Variants in RHBDF2 observed in about 807,000 individuals in gnomAD.
RHBDF2 encodes the protein inactive rhomboid protein 2.
In RHBDF2, 38 loss-of-function variants were observed where a neutral mutation model predicts 95.2. The observed-to-expected ratio is 0.40, with a 90% CI of 0.31 to 0.52. The LOEUF (loss-of-function observed/expected upper bound fraction) is 0.52. RHBDF2 is among the 20% of genes least tolerant of loss of function. The probability of loss-of-function intolerance (pLI) is 0.56; values close to 1 mark genes in which losing one functional copy is unlikely to be tolerated. For synonymous variants in RHBDF2, 442 were observed against 462.0 expected (o/e 0.96, Z 0.55); for missense variants, 863 against 1,137.7 (o/e 0.76, Z 3.47).
chr17:76,498,059 G>A lies in RHBDF2; in HGVS notation c.-220+3294C>T, dbSNP rs557249368. ...TGCTGAAGGAGGGGCCGTGGACACG[G>A]TGGCGCTTTGTACTTCCCGGAAGAT... is the stretch of plus-strand genomic sequence containing the variant. On this transcript the variant is annotated intron_variant, in intron 1 of 18. Coordinates refer to ENST00000675367, the MANE Select transcript of RHBDF2 (RefSeq NM_001005498.4). Among the ~76,000 whole-genome samples, 37 of 152,312 alleles carry A rather than the reference G, an allele frequency of 2.4e-4. No individual in the cohort carries two copies. In the South Asian group the frequency reaches 3.5e-3, roughly 15 times the overall value.
intron 1 of RHBDF2, among the ~76,000 whole-genome samples, chr17:76,492,717 G>A (rs775197988): frequency 1.3e-4 from 20 of 152,202 alleles, no homozygotes; most frequent in Non-Finnish European, 2.5e-4. Context: ...CTAATGAAGG[G>A]TGCAGTCCCC....
chr17:76,479,382 AGGTGGGG>A, intron 4 of RHBDF2, 105 bp from the exon 5 acceptor site: 3 of 1,493,538 alleles, frequency 2.0e-6, no homozygotes, highest in Non-Finnish European at 2.7e-6. Flanking sequence ...GCCTACAGGG[AGGTGGGG>A]GGCGGATCTG....
rs752559642 is a variant in RHBDF2, at chr17:76,474,322, C to T, written c.1464+51G>A. On this transcript the variant is annotated intron_variant, in intron 12 of 18. Transcript: ENST00000675367. ...CCCTTGAAGGACAGGGCAAGTGGAG[C>T]TAGTCCGGGACCAGGGTCTGGCAGG... 3.4e-5 allele frequency: 54 copies of T among 1,588,434 alleles called. No homozygotes were observed. In the African/African-American group the frequency reaches 4.7e-4, roughly 14 times the overall value.
intron 18 of RHBDF2, 175 bp downstream of exon 18, chr17:76,472,511 C>T: frequency 1.3e-6 from 1 of 782,920 alleles, no homozygotes; most frequent in Middle Eastern, 2.2e-4. Context: ...ATCACTGTTC[C>T]CTCTCACTGG....
chr17:76,477,817 C>T, intron 6 of RHBDF2, 32 bp from the exon 7 acceptor site: 1 of 1,600,966 alleles, frequency 6.2e-7, no homozygotes, highest in Non-Finnish European at 8.5e-7. Flanking sequence ...GCCATCAGGA[C>T]CACAGCCTGG....
chr17:76,500,640 A>C (rs2074554807), intron 1 of RHBDF2, among the ~76,000 whole-genome samples: 1 of 152,168 alleles, frequency 6.6e-6, no homozygotes, highest in African/African-American at 2.4e-5. Flanking sequence ...GGGCAGGGCC[A>C]AAACCTAGGC....
intron 9 of RHBDF2, 154 bp downstream of exon 9, chr17:76,476,676 G>T: frequency 8.5e-7 from 1 of 1,174,790 alleles, no homozygotes; most frequent in Non-Finnish European, 1.2e-6. Flanking sequence ...ACAACCCTTG[G>T]GACAGGGTGC....
At chr17:76,474,909 G>C (rs2073718258) in intron 10 of RHBDF2, 105 bp from the exon 11 acceptor site, 1 of 1,521,322 alleles carries the variant, frequency 6.6e-7, no homozygotes. Context: ...AAGGGGCCAG[G>C]CTATGGTGAG....
At chr17:76,481,905 C>T (rs992077966) in intron 2 of RHBDF2, 17 of 189,106 alleles carry the variant, frequency 9.0e-5, no homozygotes, top group African/African-American at 1.6e-4. Flanking sequence ...AAGCCGAGAT[C>T]GCGCCACTGC....
In RHBDF2 at chr17:76,479,488, C is replaced by T. The variant is rs934562324; in HGVS notation, c.273-211G>A. The T allele has an allele frequency of 1.7e-5, 14 of 801,986 alleles. No individual in the cohort carries two copies. The Admixed American group carries it at 2.2e-4, about 13-fold the overall frequency. 49.7% of individuals were successfully genotyped at this position (801,986 alleles called of 1,614,324 possible). On this transcript the variant is annotated intron_variant, in intron 4 of 18. Coordinates refer to ENST00000675367, the MANE Select transcript of RHBDF2 (RefSeq NM_001005498.4). Reference sequence around the variant, plus strand: ...TGAGGAGCCAGGCTAGGGCCCCAGGCACCCCCACACTGATCCACCCAGCTC... The same window carrying T: ...TGAGGAGCCAGGCTAGGGCCCCAGGTACCCCCACACTGATCCACCCAGCTC...
chr17:76,487,998 G>A (rs2074187012), intron 1 of RHBDF2, 89 bp from the exon 2 acceptor site: 1 of 152,150 alleles, frequency 6.6e-6, no homozygotes, highest in Admixed American at 6.6e-5. Flanking sequence ...CTGTAAAATG[G>A]GGCCAATTCC....
chr17:76,485,251 T>C (rs1440742140), intron 2 of RHBDF2, among the ~76,000 whole-genome samples: 1 of 151,662 alleles, frequency 6.6e-6, no homozygotes, highest in Non-Finnish European at 1.5e-5. Context: ...CTACTAAAAA[T>C]ACAAAAAACA....
intron 1 of RHBDF2, among the ~76,000 whole-genome samples, chr17:76,493,513 G>A (rs1454429970): frequency 6.8e-6 from 1 of 147,454 alleles, no homozygotes; most frequent in African/African-American, 2.6e-5. Context: ...CCTGGGGGCA[G>A]AATTTGGGGA....
rs984572767 is a variant in RHBDF2, at chr17:76,477,112, G to T, written c.920+68C>A. 1.9e-5 allele frequency: 30 copies of T among 1,610,308 alleles called. 1 individual carries two copies. In the African/African-American group the frequency reaches 2.9e-4, roughly 16 times the overall value. On this transcript the variant is annotated intron_variant, in intron 8 of 18. Transcript: ENST00000675367. Reference sequence around the variant, plus strand: ...GTGCTCAGAAGGGGCTTGGGGGCCAGGGTGAGGTCTGGGGATGCCCCCAGG... The same window carrying T: ...GTGCTCAGAAGGGGCTTGGGGGCCATGGTGAGGTCTGGGGATGCCCCCAGG...
chr17:76,474,014 C>G lies in RHBDF2; in HGVS notation c.1574+19G>C, dbSNP rs754883047. On this transcript the variant is annotated intron_variant, in intron 13 of 18. Coordinates refer to ENST00000675367, the MANE Select transcript of RHBDF2 (RefSeq NM_001005498.4). Reference sequence around the variant, plus strand: ...GGCTATGCCTGACCCTGAGGCCCAGCAGAGGCTCCAGGCCCTACCTGGGGT... The same window carrying G: ...GGCTATGCCTGACCCTGAGGCCCAGGAGAGGCTCCAGGCCCTACCTGGGGT... 1.0e-5 allele frequency: 16 copies of G among 1,607,344 alleles called. No homozygotes were observed. The highest frequency in any genetic ancestry group is 8.0e-5 in the African/African-American group (6 of 74,800).
chr17:76,472,641 C>T lies in RHBDF2; in HGVS notation c.2064+45G>A, dbSNP rs2073621329. The T allele has an allele frequency of 9.9e-6, 16 of 1,612,374 alleles. No homozygotes were observed. In the East Asian group the frequency reaches 2.9e-4, roughly 29 times the overall value. On this transcript the variant is annotated intron_variant, in intron 18 of 18. Coordinates refer to ENST00000675367, the MANE Select transcript of RHBDF2 (RefSeq NM_001005498.4). ...GGTGGGTGGAATAGGAGCAGCAGGG[C>T]TGGCCCCCTATGTGCGGAAGGGGTC...
At chr17:76,472,188 G>T (rs1346635632) in intron 18 of RHBDF2, 136 bp from the exon 19 acceptor site, 5 of 822,228 alleles carry the variant, frequency 6.1e-6, no homozygotes, top group Middle Eastern at 3.7e-4. Flanking sequence ...GCAGGGGGTC[G>T]GCTGGAGCTG....
chr17:76,485,748 A>G (rs192168256), intron 2 of RHBDF2, among the ~76,000 whole-genome samples: 6 of 152,290 alleles, frequency 3.9e-5, no homozygotes, highest in Admixed American at 3.9e-4. Context: ...CAAATATAAA[A>G]TGTGGTTGAG....
In RHBDF2 at chr17:76,499,253, A is replaced by G. The variant is rs373767017; in HGVS notation, c.-220+2100T>C. Among the ~76,000 whole-genome samples, 13 of 152,332 alleles carry G rather than the reference A, an allele frequency of 8.5e-5. No individual in the cohort carries two copies. The East Asian group carries it at 1.9e-3, about 23-fold the overall frequency. The stretch of plus-strand genomic sequence containing the variant: ...GTTCCCAGGCAAGAAGGCTGGGTCC[A>G]GAAGTGAACAGGATGGGTATAATGG... On this transcript the variant is annotated intron_variant, in intron 1 of 18. Coordinates refer to ENST00000675367, the MANE Select transcript of RHBDF2 (RefSeq NM_001005498.4).
Sources: allele counts gnomAD v4.1 joint callset (sites outside exome capture counted in the v4.1 genomes callset), GRCh38; gene constraint gnomAD v4.1.1; transcripts MANE v1.5; gene names NCBI Gene and HGNC (gene_info 2026-07-23, HGNC 2026-07-21).